Variants in SORCS3 observed in about 807,000 individuals in gnomAD.
SORCS3 encodes VPS10 domain-containing receptor SorCS3.
In SORCS3, 57 loss-of-function variants were observed where a neutral mutation model predicts 146.3. The ratio of observed to expected loss-of-function variants is 0.39; its 90% CI spans 0.31 to 0.49. SORCS3 has a LOEUF of 0.49. Among genes scored for constraint, SORCS3 ranks in the 20% least tolerant of loss-of-function variants. SORCS3 has a pLI of 0.92. For synonymous variants in SORCS3, 653 were observed against 618.5 expected (o/e 1.06, Z -0.83); for missense variants, 1,341 against 1,575.5 (o/e 0.85, Z 2.52).
chr10:105,238,070 G>T (rs2056803358), intron 20 of SORCS3, among the ~76,000 whole-genome samples: 1 of 152,134 alleles, frequency 6.6e-6, no homozygotes, highest in Non-Finnish European at 1.5e-5. Context: ...AGCACAATGA[G>T]CACATATGCA....
intron 2 of SORCS3, among the ~76,000 whole-genome samples, chr10:104,873,264 A>T (rs985297541): frequency 2.0e-5 from 3 of 152,232 alleles, no homozygotes; most frequent in African/African-American, 4.8e-5. Flanking sequence ...CCTCAGTGGG[A>T]TAAAACCCTT....
At chr10:104,682,009 A>C (rs1427530897) in intron 1 of SORCS3, among the ~76,000 whole-genome samples, 2 of 152,158 alleles carry the variant, frequency 1.3e-5, no homozygotes, top group Non-Finnish European at 2.9e-5. Context: ...TCTGGTGGGA[A>C]TGCAGTCTCC....
chr10:104,899,219 C>T (rs943647591), intron 2 of SORCS3, among the ~76,000 whole-genome samples: 5 of 152,186 alleles, frequency 3.3e-5, no homozygotes, highest in African/African-American at 1.2e-4. Flanking sequence ...TTCTTCTCTA[C>T]TATGGGACTT....
At chr10:105,078,036 T>G (rs1310330416) in intron 5 of SORCS3, among the ~76,000 whole-genome samples, 1 of 152,188 alleles carries the variant, frequency 6.6e-6, no homozygotes, top group Non-Finnish European at 1.5e-5. Flanking sequence ...CACAGGACGA[T>G]CACATTTGTC....
chr10:105,053,237 A>T (rs2055424636), intron 5 of SORCS3, among the ~76,000 whole-genome samples: 1 of 149,580 alleles, frequency 6.7e-6, no homozygotes, highest in African/African-American at 2.4e-5. Context: ...GCTTCAACAT[A>T]TTTTTTTTTT....
intron 1 of SORCS3, among the ~76,000 whole-genome samples, chr10:104,768,476 G>A (rs1288223425): frequency 6.6e-6 from 1 of 152,140 alleles, no homozygotes; most frequent in Admixed American, 6.5e-5. Flanking sequence ...AGAAGTTGTG[G>A]TTGAGACGGG....
At chr10:105,065,778 A>G (rs769030541) in intron 5 of SORCS3, among the ~76,000 whole-genome samples, 1 of 152,214 alleles carries the variant, frequency 6.6e-6, no homozygotes, top group African/African-American at 2.4e-5. Flanking sequence ...GAGCATTTGT[A>G]AAAGAGGAAG....
Position 105,263,649 on chromosome 10 carries a change from C to T in SORCS3, c.*275C>T, listed in dbSNP as rs547676188. On this transcript the variant is annotated 3_prime_UTR_variant, in exon 27 of 27. Transcript: ENST00000369701. Reference sequence around the variant, plus strand: ...TACTCTGCCATTGGTAGCTTAAAGACTTTCTTTTTCCTTGTGGTCTCCCTT... The same window carrying T: ...TACTCTGCCATTGGTAGCTTAAAGATTTTCTTTTTCCTTGTGGTCTCCCTT... The T allele has an allele frequency of 2.6e-6, 1 of 381,544 alleles. No individual in the cohort carries two copies. The highest frequency in any genetic ancestry group is 3.8e-5 in the South Asian group (1 of 26,470). The allele number at this position is 381,544 out of a possible 1,614,324, so 23.6% of individuals were successfully genotyped here. A position where few individuals can be genotyped will look rare whatever the true frequency, so the allele number is the denominator to read the frequency against.
chr10:104,999,530 T>C (rs1166037721), intron 4 of SORCS3, among the ~76,000 whole-genome samples: 1 of 152,166 alleles, frequency 6.6e-6, no homozygotes, highest in Non-Finnish European at 1.5e-5. Context: ...CTGAAATCCA[T>C]AAGCAAGTCC....
chr10:104,993,990 G>A (rs1377589081), intron 4 of SORCS3, among the ~76,000 whole-genome samples: 2 of 152,070 alleles, frequency 1.3e-5, no homozygotes, highest in Admixed American at 6.6e-5. Flanking sequence ...TGGTAAAAAG[G>A]AAAATGAAGA....
At chr10:105,022,473 A>AT (rs34732132) in intron 4 of SORCS3, among the ~76,000 whole-genome samples, 10 of 150,270 alleles carry the variant, frequency 6.7e-5, no homozygotes, top group African/African-American at 9.7e-5. Flanking sequence ...AATTTTTTGT[A>AT]TTTTTTTTTG....
intron 7 of SORCS3, among the ~76,000 whole-genome samples, chr10:105,137,914 A>C (rs11192335): frequency 0.086 from 13,142 of 152,274 alleles, 701 homozygotes; most frequent in Admixed American, 0.16. Flanking sequence ...ACTAATGGTG[A>C]CTATGTGTTC....
At chr10:105,109,559 T>C (rs1283320816) in intron 7 of SORCS3, among the ~76,000 whole-genome samples, 1 of 152,154 alleles carries the variant, frequency 6.6e-6, no homozygotes, top group African/African-American at 2.4e-5. Context: ...GCTGAAAATA[T>C]GTTTGTCTGT....
intron 7 of SORCS3, among the ~76,000 whole-genome samples, chr10:105,131,379 G>A (rs1189409822): frequency 6.6e-6 from 1 of 152,070 alleles, no homozygotes; most frequent in East Asian, 1.9e-4. Context: ...CATAATATTC[G>A]ATACAGCACA....
intron 16 of SORCS3, 144 bp downstream of exon 16, chr10:105,201,397 A>C: frequency 2.0e-6 from 2 of 1,010,744 alleles, no homozygotes; most frequent in Admixed American, 2.6e-5. Flanking sequence ...CATCCATCCC[A>C]GTTACTGGGC....
At chr10:104,642,944 C>A (rs2015444583) in intron 1 of SORCS3, among the ~76,000 whole-genome samples, 2 of 152,350 alleles carry the variant, frequency 1.3e-5, no homozygotes, top group East Asian at 1.9e-4. Context: ...GCCCGCAGCG[C>A]GTGCCCGGAG....
chr10:105,104,576 A>C lies in SORCS3; in HGVS notation c.1094-821A>C, dbSNP rs548564755. 2.0e-5 allele frequency among the ~76,000 whole-genome samples: 3 copies of C among 152,330 alleles called. No individual in the cohort carries two copies. In the South Asian group the frequency reaches 6.2e-4, roughly 32 times the overall value. On this transcript the variant is annotated intron_variant, in intron 6 of 26. Coordinates refer to ENST00000369701, the MANE Select transcript of SORCS3 (RefSeq NM_014978.3). ...TAATTATGTAAGTTTTGTACATGTT[A>C]TGTAAGAAGTGAATGCATTCTTGTT...
chr10:105,023,667 A>G (rs1379414445), intron 4 of SORCS3, among the ~76,000 whole-genome samples: 1 of 152,096 alleles, frequency 6.6e-6, no homozygotes, highest in African/African-American at 2.4e-5. Context: ...GAGAAATTGT[A>G]ATTGAGGCTG....
In SORCS3 at chr10:105,129,459, G is replaced by C. The variant is rs1242690350; in HGVS notation, c.1213-9938G>C. 4.0e-5 allele frequency among the ~76,000 whole-genome samples: 6 copies of C among 150,850 alleles called. No homozygotes were observed. In the Admixed American group the frequency reaches 4.0e-4, roughly 10 times the overall value. On this transcript the variant is annotated intron_variant, in intron 7 of 26. Transcript: ENST00000369701. ...CAAGTTTGAACATTTCTCTTTAGAG[G>C]TTTCATGGGCAGTGCCTTCCTTTTC...
Sources: allele counts gnomAD v4.1 joint callset (sites outside exome capture counted in the v4.1 genomes callset), GRCh38; gene constraint gnomAD v4.1.1; transcripts MANE v1.5; gene names NCBI Gene and HGNC (gene_info 2026-07-23, HGNC 2026-07-21).